ASXL3: variants seen among roughly 807,000 people sequenced by gnomAD.
The protein encoded by ASXL3 is ASXL transcriptional regulator 3.
A neutral mutation model predicts 170.6 loss-of-function variants in ASXL3; 34 were observed. That is an observed-to-expected ratio of 0.20 (90% CI 0.15 to 0.27). The LOEUF (loss-of-function observed/expected upper bound fraction) is 0.27. ASXL3 is among the 10% of genes least tolerant of loss of function. The probability of loss-of-function intolerance (pLI) is 1.00; values close to 1 mark genes in which losing one functional copy is unlikely to be tolerated. For missense variants in ASXL3, 2,592 were observed against 2,695.3 expected (o/e 0.96, Z 0.85); for synonymous variants, 1,002 against 989.1 (o/e 1.01, Z -0.24).
At position 33,744,417 on chromosome 18, in the gene ASXL3, C is replaced by T. The variant is rs369156052; in HGVS notation, c.4569C>T (p.Ser1523=). The T allele has an allele frequency of 4.5e-5, 73 of 1,613,666 alleles. No individual in the cohort carries two copies. Among genetic ancestry groups the T allele is most frequent in the Non-Finnish European group, 5.8e-5 (69 of 1,179,778 alleles). The change falls in exon 12 of 12, where the codon AGC becomes AGT. Residue 1523 remains serine (S), a synonymous_variant. Transcript: ENST00000269197. ...CGTGTCCTCAGGTGTCTGTGATTAG[C>T]AGGCCTGAGCCAGTTGCCAACGAAG... is the stretch of plus-strand genomic sequence containing the variant. ...PVACPQVSVI[S]RPEPVANEGI... is the part of the protein sequence containing the mutation.
intron 7 of ASXL3, among the ~76,000 whole-genome samples, chr18:33,676,798 A>G (rs557190534): frequency 6.6e-6 from 1 of 152,324 alleles, no homozygotes; most frequent in South Asian, 2.1e-4. Context: ...TTAGCAAAGG[A>G]TAAACCACTT....
chr18:33,646,173 T>C, intron 3 of ASXL3, 72 bp from the exon 4 acceptor site: 3 of 1,122,774 alleles, frequency 2.7e-6, no homozygotes, highest in Non-Finnish European at 4.0e-6. Context: ...TGTAGGATTC[T>C]GCAAGTATTT....
chr18:33,692,307 A>G (rs1224976513), intron 8 of ASXL3, among the ~76,000 whole-genome samples: 1 of 152,166 alleles, frequency 6.6e-6, no homozygotes, highest in Non-Finnish European at 1.5e-5. Flanking sequence ...AAGAGCCGTG[A>G]TGAGGGACTG....
intron 8 of ASXL3, among the ~76,000 whole-genome samples, chr18:33,689,825 C>G (rs980197242): frequency 1.8e-4 from 28 of 152,058 alleles, no homozygotes; most frequent in Admixed American, 1.2e-3. Context: ...TGTAAATATC[C>G]TGTTCCTCTT....
intron 4 of ASXL3, among the ~76,000 whole-genome samples, chr18:33,655,648 G>T (rs891104501): frequency 6.6e-6 from 1 of 152,006 alleles, no homozygotes; most frequent in Admixed American, 6.6e-5. Context: ...TAAAAATAGA[G>T]TTCAGGAATG....
intron 2 of ASXL3, among the ~76,000 whole-genome samples, chr18:33,639,399 T>C (rs2065814773): frequency 1.3e-5 from 2 of 152,054 alleles, no homozygotes; most frequent in African/African-American, 2.4e-5. Context: ...CTCCCCAGCA[T>C]AGGGATGGTA....
chr18:33,646,110 CA>C, intron 3 of ASXL3, 134 bp from the exon 4 acceptor site: 1 of 562,338 alleles, frequency 1.8e-6, no homozygotes. Context: ...AATGATTTTA[CA>C]TTAAAAAGTA....
intron 8 of ASXL3, among the ~76,000 whole-genome samples, chr18:33,696,581 G>T (rs773692001): frequency 6.6e-6 from 1 of 152,050 alleles, no homozygotes; most frequent in African/African-American, 2.4e-5. Flanking sequence ...AAACTCTGTG[G>T]GATGTGACTG....
intron 8 of ASXL3, among the ~76,000 whole-genome samples, chr18:33,720,518 T>A (rs915319094): frequency 1.3e-5 from 2 of 152,058 alleles, no homozygotes; most frequent in Non-Finnish European, 2.9e-5. Context: ...TTAAAGAAAA[T>A]ACAATTATAA....
At chr18:33,656,482 G>A (rs2066086493) in intron 4 of ASXL3, among the ~76,000 whole-genome samples, 2 of 151,992 alleles carry the variant, frequency 1.3e-5, no homozygotes, top group African/African-American at 4.8e-5. Flanking sequence ...ACACAATATC[G>A]GTGTTGCAGA....
At chr18:33,648,160 G>A (rs1353872428) in intron 4 of ASXL3, among the ~76,000 whole-genome samples, 1 of 152,134 alleles carries the variant, frequency 6.6e-6, no homozygotes, top group Non-Finnish European at 1.5e-5. Context: ...TTTTGAGCTA[G>A]AAAGGCAATG....
At chr18:33,699,806 A>G (rs1169185683) in intron 8 of ASXL3, among the ~76,000 whole-genome samples, 1 of 152,012 alleles carries the variant, frequency 6.6e-6, no homozygotes, top group East Asian at 1.9e-4. Flanking sequence ...ATTTCATAAT[A>G]TAGTTGTGTT....
At chr18:33,736,139 T>C (rs1258996405) in intron 10 of ASXL3, among the ~76,000 whole-genome samples, 1 of 152,164 alleles carries the variant, frequency 6.6e-6, no homozygotes, top group Non-Finnish European at 1.5e-5. Flanking sequence ...AATAACTTGC[T>C]TGGGGTCTTA....
At chr18:33,613,007 T>TA (rs2065362056) in intron 2 of ASXL3, among the ~76,000 whole-genome samples, 1 of 152,130 alleles carries the variant, frequency 6.6e-6, no homozygotes, top group African/African-American at 2.4e-5. Flanking sequence ...GTCAGCTACT[T>TA]AGAGAGGGAT....
In ASXL3 at chr18:33,676,989, G is replaced by C. The variant is rs542998819; in HGVS notation, c.715+5123G>C. 3.2e-3 allele frequency among the ~76,000 whole-genome samples: 494 copies of C among 152,148 alleles called. 3 individuals carry two copies. Among genetic ancestry groups the C allele is most frequent in the African/African-American group, 0.011 (463 of 41,498 alleles). On this transcript the variant is annotated intron_variant, in intron 7 of 11. Transcript: ENST00000269197. The stretch of plus-strand genomic sequence containing the variant: ...TCTCTAACTAAAATGTAAGTTCCTT[G>C]AATTCAAGGTCATTGACCTAAACTA...
chr18:33,670,475 G>T (rs1328680034), intron 5 of ASXL3, among the ~76,000 whole-genome samples, 198 bp from the exon 6 acceptor site: 1 of 152,112 alleles, frequency 6.6e-6, no homozygotes, highest in Non-Finnish European at 1.5e-5. Flanking sequence ...TATACCCTTT[G>T]CCAAAGCCTG....
At chr18:33,733,774 A>G (rs2067493443) in intron 9 of ASXL3, among the ~76,000 whole-genome samples, 1 of 152,284 alleles carries the variant, frequency 6.6e-6, no homozygotes, top group East Asian at 1.9e-4. Flanking sequence ...ATGGATTTGT[A>G]TCTCTGTGCC....
intron 1 of ASXL3, among the ~76,000 whole-genome samples, chr18:33,595,923 A>G (rs763969320): frequency 3.3e-5 from 5 of 152,218 alleles, no homozygotes; most frequent in Non-Finnish European, 7.3e-5. Context: ...CAGGAATGTA[A>G]CAGCTTCCAT....
In ASXL3 at chr18:33,673,657, C is replaced by T. The variant is rs573637972; in HGVS notation, c.715+1791C>T. Among the ~76,000 whole-genome samples the T allele has an allele frequency of 2.6e-5, 4 of 152,146 alleles. No homozygotes were observed. In the South Asian group the frequency reaches 8.3e-4, roughly 32 times the overall value. On this transcript the variant is annotated intron_variant, in intron 7 of 11. Transcript: ENST00000269197. Reference sequence around the variant, plus strand: ...CTGGGATTGCAGTGGGCCACCATGCCTGGCCCAGGATTTCTTGTATTCTGA... The same window carrying T: ...CTGGGATTGCAGTGGGCCACCATGCTTGGCCCAGGATTTCTTGTATTCTGA...
Sources: allele counts gnomAD v4.1 joint callset (sites outside exome capture counted in the v4.1 genomes callset), GRCh38; gene constraint gnomAD v4.1.1; transcripts MANE v1.5; gene names NCBI Gene and HGNC (gene_info 2026-07-23, HGNC 2026-07-21).